SLAIN2: variants seen among roughly 807,000 people sequenced by gnomAD.
SLAIN2 encodes SLAIN motif-containing protein 2.
Under a neutral mutation model 56.6 loss-of-function variants are expected in SLAIN2, and 31 were observed. That is an observed-to-expected ratio of 0.55 (90% CI 0.41 to 0.74). The LOEUF (loss-of-function observed/expected upper bound fraction) is 0.74, where lower values mean the gene tolerates loss of function less well. Ranked by LOEUF, SLAIN2 falls within the 30% of genes least tolerant of loss-of-function variation. The pLI, the probability that SLAIN2 is intolerant of heterozygous loss-of-function variation, is 0.00. For synonymous variants in SLAIN2, 317 were observed against 284.9 expected, an observed-to-expected ratio of 1.11 and a Z score of -1.13; for missense variants, 777 against 754.2, an observed-to-expected ratio of 1.03 and a Z score of -0.35.
intron 4 of SLAIN2, among the ~76,000 whole-genome samples, chr4:48,380,124 C>T (rs895317569): frequency 4.6e-5 from 7 of 152,086 alleles, no homozygotes; most frequent in African/African-American, 1.7e-4. Flanking sequence ...CTGCATGTTA[C>T]TCTGCACTAG....
intron 1 of SLAIN2, among the ~76,000 whole-genome samples, chr4:48,369,168 AACTG>A (rs1715602246): frequency 6.6e-6 from 1 of 152,206 alleles, no homozygotes; most frequent in African/African-American, 2.4e-5. Context: ...AATTAATAGT[AACTG>A]ACATAATCTG....
intron 2 of SLAIN2, among the ~76,000 whole-genome samples, chr4:48,373,626 T>G (rs1404862857): frequency 1.3e-5 from 2 of 152,060 alleles, no homozygotes; most frequent in Non-Finnish European, 2.9e-5. Context: ...AAATAATTTT[T>G]TTAGTGGTAT....
At chr4:48,395,183 A>G (rs757017848) in intron 6 of SLAIN2, among the ~76,000 whole-genome samples, 13 of 152,196 alleles carry the variant, frequency 8.5e-5, no homozygotes, top group Non-Finnish European at 1.8e-4. Context: ...AAGCTGTCCA[A>G]TATTGGTTCC....
At chr4:48,344,365 T>C (rs1210136357) in intron 1 of SLAIN2, among the ~76,000 whole-genome samples, 10 of 152,214 alleles carry the variant, frequency 6.6e-5, no homozygotes, top group Non-Finnish European at 1.5e-5. Flanking sequence ...ATCTACCTTT[T>C]GTAACTTCTA....
At chr4:48,418,343 G>T (rs542615360) in intron 6 of SLAIN2, among the ~76,000 whole-genome samples, 11 of 151,872 alleles carry the variant, frequency 7.2e-5, no homozygotes, top group Non-Finnish European at 1.3e-4. Context: ...CCCTATTTCT[G>T]TTTTTCGGAG....
chr4:48,421,538 G>T (rs1016786667), intron 7 of SLAIN2, among the ~76,000 whole-genome samples: 3 of 152,002 alleles, frequency 2.0e-5, no homozygotes, highest in African/African-American at 7.3e-5. Context: ...AGAGGATATT[G>T]AAATTTAATG....
In SLAIN2 at chr4:48,341,715, A is replaced by AGGCGGC. The variant is rs745600491; in HGVS notation, c.-13_-8dup. 1.1e-4 allele frequency: 162 copies of AGGCGGC among 1,521,698 alleles called. No individual in the cohort carries two copies. In the African/African-American group the frequency reaches 1.8e-3, roughly 17 times the overall value. The allele number at this position is 1,521,698 out of a possible 1,614,324, so 94.3% of individuals were successfully genotyped here. On this transcript the variant is annotated 5_prime_UTR_variant, in exon 1 of 8. Coordinates refer to ENST00000264313, the MANE Select transcript of SLAIN2 (RefSeq NM_020846.2). ...CGCTGCGAGAGCGAGCGGGCGGCGG[A>AGGCGGC]GGCGGCGGCGGCGGCGGGGCCGGGA...
chr4:48,407,538 A>G (rs17655765), intron 6 of SLAIN2, among the ~76,000 whole-genome samples: 13,005 of 151,584 alleles, frequency 0.086, 1,006 homozygotes, highest in East Asian at 0.29. Context: ...GTGTGATTTG[A>G]CTTCAGTCCT....
intron 2 of SLAIN2, among the ~76,000 whole-genome samples, chr4:48,371,975 C>T (rs1377241263): frequency 7.0e-5 from 8 of 114,140 alleles, no homozygotes; most frequent in South Asian, 2.4e-4. Context: ...AGTATATACA[C>T]ACACACACAC....
rs1714727477 is a variant in SLAIN2, at chr4:48,342,121, G to C, written c.382G>C (p.Glu128Gln). ...ERLSGWEEEE[E>Q]SWLYSSPKKK... is the part of the protein sequence containing the mutation. ...CCTGTCAGGCTGGGAGGAGGAGGAG[G>C]AGAGCTGGTGAGCGCGAGGCGCCGG... The change falls in exon 1 of 8, where the codon GAG becomes CAG. Residue 128 changes from glutamate to glutamine, a missense_variant. By Grantham distance (29) the Glu-to-Gln change is conservative. Coordinates refer to ENST00000264313, the MANE Select transcript of SLAIN2 (RefSeq NM_020846.2). The C allele has an allele frequency of 2.2e-6, 3 of 1,354,240 alleles. No homozygotes were observed. Among genetic ancestry groups the C allele is most frequent in the Admixed American group, 8.2e-5 (2 of 24,530 alleles). The allele number at this position is 1,354,240 out of a possible 1,614,324, so 83.9% of individuals were successfully genotyped here. A position where few individuals can be genotyped will look rare whatever the true frequency, so the allele number is the denominator to read the frequency against.
At chr4:48,418,508 T>G (rs1453072754) in intron 6 of SLAIN2, among the ~76,000 whole-genome samples, 1 of 152,154 alleles carries the variant, frequency 6.6e-6, no homozygotes, top group Admixed American at 6.5e-5. Context: ...TCCTCCTTAG[T>G]CATGGCATAT....
chr4:48,360,784 C>T (rs533109777), intron 1 of SLAIN2, among the ~76,000 whole-genome samples: 1 of 152,306 alleles, frequency 6.6e-6, no homozygotes, highest in African/African-American at 2.4e-5. Flanking sequence ...TCCACCCCCT[C>T]ATCTATCCCC....
rs895362386 is a variant in SLAIN2 at position 48,423,921 on chromosome 4, A to G, written c.*1844A>G. The G allele has an allele frequency of 2.0e-5, 3 of 152,202 alleles. No individual in the cohort carries two copies. The highest frequency in any genetic ancestry group is 4.4e-5 in the Non-Finnish European group (3 of 68,042). The allele number at this position is 152,202 out of a possible 1,614,324, so 9.4% of individuals were successfully genotyped here. ...TCTCATGTCTAAGTAAGTAAAAGAA[A>G]GAAGTAGCTACTGTCTCTTTTAAAA... On this transcript the variant is annotated 3_prime_UTR_variant, in exon 8 of 8. Transcript: ENST00000264313.
At chr4:48,409,862 C>T (rs1011073255) in intron 6 of SLAIN2, among the ~76,000 whole-genome samples, 8 of 152,046 alleles carry the variant, frequency 5.3e-5, no homozygotes, top group South Asian at 2.1e-4. Context: ...CCAGCCTAGA[C>T]GACAGAGCAA....
chr4:48,398,868 A>G (rs1350173086), intron 6 of SLAIN2, among the ~76,000 whole-genome samples: 1 of 152,166 alleles, frequency 6.6e-6, no homozygotes, highest in East Asian at 1.9e-4. Flanking sequence ...CTGTTCTTGT[A>G]CCAGTACTAT....
At chr4:48,393,514 G>C (rs1323409017) in intron 6 of SLAIN2, among the ~76,000 whole-genome samples, 2 of 152,086 alleles carry the variant, frequency 1.3e-5, no homozygotes, top group Admixed American at 6.6e-5. Context: ...GCCTGTAAGT[G>C]CTGGGATTAT....
intron 6 of SLAIN2, among the ~76,000 whole-genome samples, chr4:48,412,039 G>T (rs575186701): frequency 6.6e-6 from 1 of 151,916 alleles, no homozygotes; most frequent in African/African-American, 2.4e-5. Context: ...CACCAATGCC[G>T]GTACCATCTT....
intron 6 of SLAIN2, among the ~76,000 whole-genome samples, chr4:48,403,280 A>C (rs1034685026): frequency 6.6e-6 from 1 of 151,988 alleles, no homozygotes; most frequent in African/African-American, 2.4e-5. Context: ...TTTTGTCCAG[A>C]CTGCTCTGAC....
rs951000129 is a variant in SLAIN2 at position 48,342,144 on chromosome 4, C to G, written c.389+16C>G. 5.2e-6 allele frequency: 7 copies of G among 1,335,360 alleles called. No homozygotes were observed. The highest frequency in any genetic ancestry group is 3.1e-5 in the African/African-American group (2 of 64,906). 82.7% of individuals were successfully genotyped at this position (1,335,360 alleles called of 1,614,324 possible). A position where few individuals can be genotyped will look rare whatever the true frequency, so the allele number is the denominator to read the frequency against. On this transcript the variant is annotated intron_variant, in intron 1 of 7. Transcript: ENST00000264313. ...AGGAGAGCTGGTGAGCGCGAGGCGC[C>G]GGGCAGGAGCTGGGCGGGGACGGGC... is the stretch of plus-strand genomic sequence containing the variant.
Sources: allele counts gnomAD v4.1 joint callset (sites outside exome capture counted in the v4.1 genomes callset), GRCh38; gene constraint gnomAD v4.1.1; transcripts MANE v1.5; gene names NCBI Gene and HGNC (gene_info 2026-07-23, HGNC 2026-07-21).